ANKRD36: variants seen among roughly 807,000 people sequenced by gnomAD.
ANKRD36 encodes ankyrin repeat domain-containing protein 36A.
Under a neutral mutation model 278.1 loss-of-function variants are expected in ANKRD36, and 179 were observed. That is an observed-to-expected ratio of 0.64 (90% CI 0.57 to 0.73). The LOEUF (loss-of-function observed/expected upper bound fraction) is 0.73, where lower values mean the gene tolerates loss of function less well. Among genes scored for constraint, ANKRD36 ranks in the 30% least tolerant of loss-of-function variants. ANKRD36 has a pLI of 0.00. For missense variants in ANKRD36, 1,159 were observed against 1,956.7 expected (o/e 0.59, Z 7.69); for synonymous variants, 320 against 641.1 (o/e 0.50, Z 7.57).
Position 97,158,314 on chromosome 2 carries a change from A to G in ANKRD36, c.1321+147A>G, listed in dbSNP as rs1387967408. The G allele has an allele frequency of 3.5e-5, 32 of 905,136 alleles. No individual in the cohort carries two copies. The African/African-American group carries it at 4.2e-4, about 12-fold the overall frequency. 56.1% of individuals were successfully genotyped at this position (905,136 alleles called of 1,614,324 possible). ...ATGATCTTGGCTCACTGCAACTTCT[A>G]CCTCCTGGGTTCAAGTGATTCTCCT... On this transcript the variant is annotated intron_variant, in intron 16 of 75. Coordinates refer to ENST00000420699, the MANE Select transcript of ANKRD36 (RefSeq NM_001354587.1).
chr2:97,230,098 A>T (rs1218389709), intron 67 of ANKRD36, among the ~76,000 whole-genome samples: 1 of 152,080 alleles, frequency 6.6e-6, no homozygotes, highest in Non-Finnish European at 1.5e-5. Context: ...ACTTTGGTGA[A>T]TCTGACAATT....
At chr2:97,193,770 C>T (rs1363436913) in intron 38 of ANKRD36, among the ~76,000 whole-genome samples, 1 of 151,622 alleles carries the variant, frequency 6.6e-6, no homozygotes, top group Non-Finnish European at 1.5e-5. Context: ...ATCAGATAAT[C>T]TTGAATGTGA....
chr2:97,127,174 C>T (rs751974487), intron 6 of ANKRD36, 40 bp downstream of exon 6: 10 of 824,120 alleles, frequency 1.2e-5, no homozygotes, highest in African/African-American at 1.8e-5. Flanking sequence ...ATGGTACTAC[C>T]ATAGATAAAA....
At chr2:97,172,879 C>T (rs563836079) in intron 22 of ANKRD36, among the ~76,000 whole-genome samples, 1 of 150,752 alleles carries the variant, frequency 6.6e-6, no homozygotes, top group East Asian at 2.0e-4. Context: ...ATTTTTTTCT[C>T]TTCTGAAAAC....
chr2:97,230,422 G>A (rs2071536294), intron 67 of ANKRD36, among the ~76,000 whole-genome samples: 1 of 152,026 alleles, frequency 6.6e-6, no homozygotes, highest in Non-Finnish European at 1.5e-5. Flanking sequence ...TCTTCCAGTT[G>A]ATTGCATCGG....
At chr2:97,206,609 T>G (rs539834653) in intron 52 of ANKRD36, among the ~76,000 whole-genome samples, 53 of 151,386 alleles carry the variant, frequency 3.5e-4, no homozygotes, top group African/African-American at 1.2e-3. Flanking sequence ...GGCAGGAAGG[T>G]GTGAAAAGAA....
At chr2:97,130,393 C>A (rs1315806969) in intron 6 of ANKRD36, among the ~76,000 whole-genome samples, 4 of 132,638 alleles carry the variant, frequency 3.0e-5, no homozygotes, top group Non-Finnish European at 6.1e-5. Flanking sequence ...GGGAATTGAA[C>A]AATGAGAACA....
rs1176368031 is a variant in ANKRD36 at position 97,202,403 on chromosome 2, A to G, written c.2959+10A>G. ...GAAAAATCTAGGACAGGTAATTTTG[A>G]AAACAGATTTAATGTCATGTTCAGT... On this transcript the variant is annotated intron_variant, in intron 48 of 75. Coordinates refer to ENST00000420699, the MANE Select transcript of ANKRD36 (RefSeq NM_001354587.1). 6.5e-7 allele frequency: 1 copy of G among 1,546,864 alleles called. No homozygotes were observed. Among genetic ancestry groups the G allele is most frequent in the Admixed American group, 2.0e-5 (1 of 51,048 alleles).
chr2:97,197,261 G>A (rs2060040953), intron 42 of ANKRD36, among the ~76,000 whole-genome samples: 1 of 151,948 alleles, frequency 6.6e-6, no homozygotes, highest in East Asian at 1.9e-4. Context: ...AGGCAGGAAG[G>A]TGTGAAAAGA....
intron 34 of ANKRD36, among the ~76,000 whole-genome samples, chr2:97,190,592 A>T (rs1240597379): frequency 6.6e-6 from 1 of 151,538 alleles, no homozygotes; most frequent in Non-Finnish European, 1.5e-5. Flanking sequence ...AATCCTTTTG[A>T]TTTCCTGCAT....
intron 75 of ANKRD36, among the ~76,000 whole-genome samples, chr2:97,256,465 T>A (rs1416651241): frequency 6.6e-6 from 1 of 150,684 alleles, no homozygotes; most frequent in Non-Finnish European, 1.5e-5. Flanking sequence ...GGAAATGTTT[T>A]TATTTCTTCC....
chr2:97,261,361 A>G (rs1285012516), intron 75 of ANKRD36, among the ~76,000 whole-genome samples: 1 of 131,968 alleles, frequency 7.6e-6, no homozygotes, highest in Admixed American at 8.0e-5. Context: ...CAACCCAGTA[A>G]TAAATCCAAG....
intron 66 of ANKRD36, among the ~76,000 whole-genome samples, chr2:97,224,431 GTTTTGTTT>G (rs1326124425): frequency 1.8e-4 from 27 of 149,840 alleles, no homozygotes; most frequent in African/African-American, 4.1e-4. Flanking sequence ...AAAGACTATC[GTTTTGTTT>G]TTTTGTTTTT....
At chr2:97,229,718 G>A (rs1364450180) in intron 67 of ANKRD36, among the ~76,000 whole-genome samples, 1 of 152,054 alleles carries the variant, frequency 6.6e-6, no homozygotes, top group Non-Finnish European at 1.5e-5. Context: ...AGTTAATGCA[G>A]TTTCTTCCTA....
At chr2:97,197,599 T>A (rs1394921196) in intron 42 of ANKRD36, among the ~76,000 whole-genome samples, 1 of 151,924 alleles carries the variant, frequency 6.6e-6, no homozygotes, top group Non-Finnish European at 1.5e-5. Context: ...AATGACATGA[T>A]ACTCCCAACA....
intron 27 of ANKRD36, 25 bp from the exon 28 acceptor site, chr2:97,183,557 C>T (rs758656946): frequency 3.2e-6 from 5 of 1,551,732 alleles, no homozygotes; most frequent in Non-Finnish European, 4.4e-6. Flanking sequence ...TATATATTGA[C>T]TATTTTGTTT....
At chr2:97,154,250 C>T (rs113795457) in intron 14 of ANKRD36, among the ~76,000 whole-genome samples, 8 of 120,454 alleles carry the variant, frequency 6.6e-5, no homozygotes, top group Non-Finnish European at 1.1e-4. Context: ...GAGAAGAGAC[C>T]GTGCCTTTTC....
At chr2:97,125,722 T>C (rs2038427746) in intron 5 of ANKRD36, among the ~76,000 whole-genome samples, 1 of 151,764 alleles carries the variant, frequency 6.6e-6, no homozygotes, top group Non-Finnish European at 1.5e-5. Context: ...TCTATAATAA[T>C]GAAGATCTCT....
rs1251391226 is a variant in ANKRD36 at position 97,204,283 on chromosome 2, T to C, written c.3061+20T>C. 1 of 1,547,908 alleles carries C rather than the reference T, an allele frequency of 6.5e-7. No individual in the cohort carries two copies. Among genetic ancestry groups the C allele is most frequent in the African/African-American group, 1.4e-5 (1 of 72,232 alleles). On this transcript the variant is annotated intron_variant, in intron 50 of 75. Coordinates refer to ENST00000420699, the MANE Select transcript of ANKRD36 (RefSeq NM_001354587.1). ...GGACAGGTAATTTTGAAAAGAGATT[T>C]AATGTCATGTTCAGTGCAGATAGAT...
Sources: allele counts gnomAD v4.1 joint callset (sites outside exome capture counted in the v4.1 genomes callset), GRCh38; gene constraint gnomAD v4.1.1; transcripts MANE v1.5; gene names NCBI Gene and HGNC (gene_info 2026-07-23, HGNC 2026-07-21).